CEACAM18: variants seen among roughly 807,000 people sequenced by gnomAD.
CEACAM18 encodes the protein CEA cell adhesion molecule 18.
CEACAM18 carries 33 observed loss-of-function variants against 34.3 expected under a neutral mutation model. That is an observed-to-expected ratio of 0.96 (90% CI 0.73 to 1.29). The LOEUF (loss-of-function observed/expected upper bound fraction) is 1.29. Among genes scored for constraint, CEACAM18 ranks in the 50% most tolerant of loss-of-function variants. The probability of loss-of-function intolerance (pLI) is 0.00; values close to 1 mark genes in which losing one functional copy is unlikely to be tolerated. For missense variants in CEACAM18, 474 were observed against 485.0 expected, an observed-to-expected ratio of 0.98 and a Z score of 0.21; for synonymous variants, 169 against 180.9, an observed-to-expected ratio of 0.93 and a Z score of 0.53.
At position 51,482,936 on chromosome 19, in the gene CEACAM18, T is replaced by G. The variant is rs1989941057; in HGVS notation, c.674-81T>G. The G allele has an allele frequency of 2.6e-6, 4 of 1,550,260 alleles. No individual in the cohort carries two copies. In the South Asian group the frequency reaches 4.9e-5, roughly 19 times the overall value. ...AGCCCGAGGTGCACAATGGGGAACCTCCTGGCTGGGGGAGGACTTCATGAG... is the reference window on the plus strand; with the variant it reads ...AGCCCGAGGTGCACAATGGGGAACCGCCTGGCTGGGGGAGGACTTCATGAG... On this transcript the variant is annotated intron_variant, in intron 3 of 5. Coordinates refer to ENST00000396477, the Ensembl canonical transcript of CEACAM18.
At chr19:51,480,754 T>A in intron 2 of CEACAM18, 74 bp downstream of exon 2, 1 of 1,328,466 alleles carries the variant, frequency 7.5e-7, no homozygotes, top group Non-Finnish European at 1.0e-6. Context: ...AAGGACATTA[T>A]ACAGAGCATG....
intron 2 of CEACAM18, among the ~76,000 whole-genome samples, chr19:51,480,999 C>A (rs1485087501): frequency 6.6e-6 from 1 of 152,114 alleles, no homozygotes; most frequent in East Asian, 1.9e-4. Flanking sequence ...TTTGTCGTAG[C>A]GTTGGAGGGA....
At chr19:51,490,157 T>C (rs1990067619) in intron 5 of CEACAM18, among the ~76,000 whole-genome samples, 1 of 152,232 alleles carries the variant, frequency 6.6e-6, no homozygotes. Context: ...CATTTCTTCA[T>C]CTGCAAATGG....
At chr19:51,482,415 C>G (rs1332827208) in intron 3 of CEACAM18, among the ~76,000 whole-genome samples, 2 of 152,188 alleles carry the variant, frequency 1.3e-5, no homozygotes, top group Non-Finnish European at 2.9e-5. Flanking sequence ...CTCCAGCGGT[C>G]TGTCAGATTT....
In CEACAM18 at chr19:51,485,091, A is replaced by ATCCATGC; in HGVS notation, c.1061_1067dup (p.Asp357MetfsTer3). ...TGGCGTTTACATCTGTGGAGTCCTGATCCATGCTCTGATCAACCACTACTC... is the reference window on the plus strand; with the variant it reads ...TGGCGTTTACATCTGTGGAGTCCTGATCCATGCTCCATGCTCTGATCAACCACTACTC... On this transcript the variant is annotated frameshift_variant, in exon 5 of 6. Coordinates refer to ENST00000396477, the Ensembl canonical transcript of CEACAM18. LOFTEE classifies it low-confidence loss of function (END_TRUNC). 6.5e-7 allele frequency: 1 copy of ATCCATGC among 1,531,236 alleles called. No individual in the cohort carries two copies. Among genetic ancestry groups the ATCCATGC allele is most frequent in the Admixed American group, 2.0e-5 (1 of 50,642 alleles). 94.9% of individuals were successfully genotyped at this position (1,531,236 alleles called of 1,614,324 possible).
intron 5 of CEACAM18, among the ~76,000 whole-genome samples, chr19:51,486,720 TTTC>T (rs1490755968): frequency 2.9e-5 from 4 of 138,562 alleles, no homozygotes; most frequent in African/African-American, 2.9e-5. Context: ...CTTTCTTTTC[TTTC>T]TTTTTTTTTT....
At position 51,489,503 on chromosome 19, in the gene CEACAM18, G is replaced by C. The variant is rs1176836723; in HGVS notation, c.1090-1084G>C. Among the ~76,000 whole-genome samples, 5 of 151,986 alleles carry C rather than the reference G, an allele frequency of 3.3e-5. No homozygotes were observed. In the East Asian group the frequency reaches 7.7e-4, roughly 24 times the overall value. On this transcript the variant is annotated intron_variant, in intron 5 of 5. Transcript: ENST00000396477. ...AAATGGTGGGGCAAGAGGGAGCTGAGGAGACACACAGCATACGTGTATGCG... is the reference window on the plus strand; with the variant it reads ...AAATGGTGGGGCAAGAGGGAGCTGACGAGACACACAGCATACGTGTATGCG...
intron 5 of CEACAM18, among the ~76,000 whole-genome samples, chr19:51,488,763 G>C (rs1990042998): frequency 6.6e-6 from 1 of 152,312 alleles, no homozygotes; most frequent in South Asian, 2.1e-4. Context: ...AACTCATGTG[G>C]ACAGGGCTCC....
At chr19:51,486,205 T>C (rs79498515) in intron 5 of CEACAM18, among the ~76,000 whole-genome samples, 10,095 of 152,066 alleles carry the variant, frequency 0.066, 368 homozygotes, top group Middle Eastern at 0.095. Context: ...ACATTGGTAG[T>C]GATGATGACA....
chr19:51,480,627 G>A, exon 2 of CEACAM18: 7 of 1,613,940 alleles, frequency 4.3e-6, no homozygotes, highest in East Asian at 2.2e-5. Context: ...TACACTGTTC[G>A]GGTGGTTGCA....
intron 4 of CEACAM18, among the ~76,000 whole-genome samples, chr19:51,483,785 G>C (rs114021326): frequency 6.6e-6 from 1 of 152,208 alleles, no homozygotes; most frequent in Non-Finnish European, 1.5e-5. Context: ...TTAGAAAGAC[G>C]CAGGGACGGG....
intron 4 of CEACAM18, among the ~76,000 whole-genome samples, chr19:51,484,039 G>A (rs1485755486): frequency 6.6e-6 from 1 of 152,142 alleles, no homozygotes; most frequent in African/African-American, 2.4e-5. Flanking sequence ...ATGAACCTGG[G>A]ACAAGCAGCT....
rs528879180 is a variant in CEACAM18, at chr19:51,486,126, ATAG to A, written c.1089+1006_1089+1008del. On this transcript the variant is annotated intron_variant, in intron 5 of 5. Coordinates refer to ENST00000396477, the Ensembl canonical transcript of CEACAM18. ...GATGGTGATGATGGTGATGATAGTA[ATAG>A]TGGTGGTGGTGATAGTGGTGATGAT... 4.3e-3 allele frequency among the ~76,000 whole-genome samples: 647 copies of A among 152,200 alleles called. 1 individual carries two copies. Among genetic ancestry groups the A allele is most frequent in the African/African-American group, 0.015 (613 of 41,536 alleles).
chr19:51,480,148 G>A (rs1019782152), intron 1 of CEACAM18, among the ~76,000 whole-genome samples, 185 bp from the exon 2 acceptor site: 54 of 152,122 alleles, frequency 3.5e-4, no homozygotes, highest in African/African-American at 1.2e-3. Context: ...AATGGACCAC[G>A]GCAGGGGCTG....
intron 1 of CEACAM18, 105 bp from the exon 2 acceptor site, chr19:51,480,228 C>T (rs1242065605): frequency 1.1e-6 from 1 of 928,272 alleles, no homozygotes. Context: ...GGTTCACCAG[C>T]GTCTCTGGGA....
chr19:51,483,806 G>A (rs1022023494), intron 4 of CEACAM18, among the ~76,000 whole-genome samples: 8 of 152,226 alleles, frequency 5.3e-5, no homozygotes, highest in Non-Finnish European at 8.8e-5. Flanking sequence ...ATGGGTGGAC[G>A]GGGAGTAGAG....
intron 5 of CEACAM18, among the ~76,000 whole-genome samples, chr19:51,488,341 T>C (rs1316105024): frequency 3.9e-5 from 6 of 152,184 alleles, no homozygotes; most frequent in Non-Finnish European, 5.9e-5. Flanking sequence ...CCAAGGTATT[T>C]ACTAGTAAGA....
chr19:51,483,227 G>A (rs267605617), exon 4 of CEACAM18: 13 of 1,613,918 alleles, frequency 8.1e-6, no homozygotes, highest in African/African-American at 1.3e-5. Context: ...GGCCGTTACC[G>A]ATGCACTGTG....
At chr19:51,483,187 A>T (rs111704220) in exon 4 of CEACAM18, 1 of 1,613,958 alleles carries the variant, frequency 6.2e-7, no homozygotes, top group Non-Finnish European at 8.5e-7. Context: ...TGCAAAGATG[A>T]ACCTCTCGAG....
Sources: allele counts gnomAD v4.1 joint callset (sites outside exome capture counted in the v4.1 genomes callset), GRCh38; gene constraint gnomAD v4.1.1; transcripts MANE v1.5; gene names NCBI Gene and HGNC (gene_info 2026-07-23, HGNC 2026-07-21).